DNM3: variants seen among roughly 807,000 people sequenced by gnomAD.
DNM3 encodes the protein dynamin 3, also known as dynamin-3.
Under a neutral mutation model 101.6 loss-of-function variants are expected in DNM3, and 47 were observed. The ratio of observed to expected loss-of-function variants is 0.46; its 90% CI spans 0.37 to 0.59. The LOEUF is 0.59. Ranked by LOEUF, DNM3 falls within the 20% of genes least tolerant of loss-of-function variation. The pLI, the probability that DNM3 is intolerant of heterozygous loss-of-function variation, is 0.00. For missense variants in DNM3, 849 were observed against 1,085.7 expected, an observed-to-expected ratio of 0.78 and a Z score of 3.06; for synonymous variants, 385 against 387.9, an observed-to-expected ratio of 0.99 and a Z score of 0.09.
At chr1:172,279,363 A>G (rs939406813) in intron 15 of DNM3, among the ~76,000 whole-genome samples, 2 of 152,224 alleles carry the variant, frequency 1.3e-5, no homozygotes, top group African/African-American at 2.4e-5. Flanking sequence ...ATAATTCCCA[A>G]ATTGGCACAA....
Position 172,408,408 on chromosome 1 carries a change from C to G in DNM3, c.*567C>G, listed in dbSNP as rs182120489. On this transcript the variant is annotated 3_prime_UTR_variant, in exon 21 of 21. Coordinates refer to ENST00000627582, the MANE Select transcript of DNM3 (RefSeq NM_015569.5). Reference sequence around the variant, plus strand: ...TTAAGAATAAACTTTTCCAGAAGCACGAGGTAGTTTGCAAAGGAAAAGTCT... The same window carrying G: ...TTAAGAATAAACTTTTCCAGAAGCAGGAGGTAGTTTGCAAAGGAAAAGTCT... 2.0e-6 allele frequency: 2 copies of G among 985,596 alleles called. No individual in the cohort carries two copies. The highest frequency in any genetic ancestry group is 3.5e-5 in the African/African-American group (2 of 57,202). The allele number at this position is 985,596 out of a possible 1,614,324, so 61.1% of individuals were successfully genotyped here.
At chr1:172,058,493 A>G (rs1205658739) in intron 10 of DNM3, among the ~76,000 whole-genome samples, 10 of 151,926 alleles carry the variant, frequency 6.6e-5, no homozygotes, top group African/African-American at 1.7e-4. Context: ...ATAACAAACT[A>G]TCTCTCAGAC....
chr1:171,938,829 GA>G, intron 2 of DNM3, among the ~76,000 whole-genome samples: 1 of 152,046 alleles, frequency 6.6e-6, no homozygotes, highest in Non-Finnish European at 1.5e-5. Context: ...TTTTTGAGGG[GA>G]AAAAAAGGTA....
intron 12 of DNM3, among the ~76,000 whole-genome samples, chr1:172,085,102 C>T (rs1302940145): frequency 6.6e-6 from 1 of 151,964 alleles, no homozygotes; most frequent in African/African-American, 2.4e-5. Flanking sequence ...CAAATAAGCA[C>T]TGCTCTAGGC....
chr1:172,138,118 C>T (rs1056087504), intron 14 of DNM3: 13 of 152,004 alleles, frequency 8.6e-5, no homozygotes, highest in African/African-American at 2.9e-4. Flanking sequence ...TTATGTATAC[C>T]ATGACGCGTG....
chr1:172,202,421 T>G (rs1437182965), intron 14 of DNM3, among the ~76,000 whole-genome samples: 1 of 152,200 alleles, frequency 6.6e-6, no homozygotes. Flanking sequence ...TATTTCTCTT[T>G]ATGTGAGTTT....
intron 4 of DNM3, among the ~76,000 whole-genome samples, chr1:171,992,730 T>C (rs932910561): frequency 6.6e-6 from 1 of 152,268 alleles, no homozygotes; most frequent in East Asian, 1.9e-4. Flanking sequence ...ACTGATGAGA[T>C]AGAATTTATG....
At chr1:172,075,423 T>C (rs2052571607) in intron 11 of DNM3, among the ~76,000 whole-genome samples, 1 of 152,244 alleles carries the variant, frequency 6.6e-6, no homozygotes, top group Non-Finnish European at 1.5e-5. Flanking sequence ...CTAGGTTTCC[T>C]TCTATGGTTT....
chr1:172,061,593 C>A (rs982171487), intron 10 of DNM3, among the ~76,000 whole-genome samples: 7 of 150,938 alleles, frequency 4.6e-5, no homozygotes, highest in African/African-American at 1.7e-4. Context: ...TAAACTATCT[C>A]AAGAACAAAA....
chr1:171,996,616 T>C (rs1375694645), intron 4 of DNM3, among the ~76,000 whole-genome samples: 1 of 152,180 alleles, frequency 6.6e-6, no homozygotes, highest in Non-Finnish European at 1.5e-5. Flanking sequence ...CCTGATTGTG[T>C]GTCCTTGGGC....
intron 7 of DNM3, among the ~76,000 whole-genome samples, chr1:172,039,629 G>A (rs16843727): frequency 0.034 from 5,218 of 152,014 alleles, 309 homozygotes; most frequent in African/African-American, 0.12. Context: ...CAAATACCGG[G>A]TCTTGCCTCT....
chr1:171,844,931 C>T (rs2031834462), intron 1 of DNM3, among the ~76,000 whole-genome samples: 1 of 151,990 alleles, frequency 6.6e-6, no homozygotes, highest in African/African-American at 2.4e-5. Context: ...TTATAGAGTG[C>T]CTGTTATGTG....
intron 20 of DNM3, chr1:172,399,842 G>C (rs1319324528): frequency 6.6e-6 from 1 of 151,698 alleles, no homozygotes; most frequent in African/African-American, 2.4e-5. Flanking sequence ...AGGTATGAAG[G>C]TCAGGCAGAA....
intron 15 of DNM3, among the ~76,000 whole-genome samples, chr1:172,257,708 G>C (rs1282810967): frequency 6.6e-6 from 1 of 151,946 alleles, no homozygotes; most frequent in African/African-American, 2.4e-5. Context: ...TTTATGTGTT[G>C]AGAACATTCC....
intron 20 of DNM3, among the ~76,000 whole-genome samples, chr1:172,401,056 CTT>C (rs908272564): frequency 1.6e-4 from 25 of 152,284 alleles, no homozygotes; most frequent in African/African-American, 4.6e-4. Flanking sequence ...GGCAGTGACT[CTT>C]TATTTCTGTA....
intron 1 of DNM3, among the ~76,000 whole-genome samples, chr1:171,874,233 G>A (rs1236462601): frequency 6.6e-6 from 1 of 152,094 alleles, no homozygotes; most frequent in Non-Finnish European, 1.5e-5. Context: ...ATGCATATAT[G>A]TATATGCATC....
chr1:172,125,071 G>C (rs1009296355), intron 13 of DNM3, among the ~76,000 whole-genome samples: 1 of 152,150 alleles, frequency 6.6e-6, no homozygotes, highest in Non-Finnish European at 1.5e-5. Flanking sequence ...CCCAGCATTT[G>C]GCCAGGTAGG....
At chr1:172,058,958 A>T (rs1242905863) in intron 10 of DNM3, among the ~76,000 whole-genome samples, 1 of 152,224 alleles carries the variant, frequency 6.6e-6, no homozygotes, top group East Asian at 1.9e-4. Context: ...CAAGACTAAT[A>T]AAGGAGAAAA....
rs1429088738 is a variant in DNM3 at position 172,409,902 on chromosome 1, TG to T, written c.*2063del. The T allele has an allele frequency of 1.0e-6, 1 of 985,684 alleles. No individual in the cohort carries two copies. Among genetic ancestry groups the T allele is most frequent in the African/African-American group, 1.7e-5 (1 of 57,232 alleles). 61.1% of individuals were successfully genotyped at this position (985,684 alleles called of 1,614,324 possible). A position where few individuals can be genotyped will look rare whatever the true frequency, so the allele number is the denominator to read the frequency against. On this transcript the variant is annotated 3_prime_UTR_variant, in exon 21 of 21. Coordinates refer to ENST00000627582, the MANE Select transcript of DNM3 (RefSeq NM_015569.5). ...AAAGGAAAATATTGTGAATAACCAC[TG>T]GTGTGTTCTTAGATCAGCACAAACC...
Sources: gnomAD v4.1 joint callset for allele counts (sites outside exome capture counted in the v4.1 genomes callset) on GRCh38, gnomAD v4.1.1 for gene constraint, MANE v1.5 for transcripts, NCBI Gene and HGNC (gene_info 2026-07-23, HGNC 2026-07-21) for gene names.